UBE2D1: variants seen among roughly 807,000 people sequenced by gnomAD.
UBE2D1 encodes the protein ubiquitin-conjugating enzyme E2 D1.
Under a neutral mutation model 24.6 loss-of-function variants are expected in UBE2D1, and 9 were observed. The ratio of observed to expected loss-of-function variants is 0.37; its 90% CI spans 0.22 to 0.64. The LOEUF (loss-of-function observed/expected upper bound fraction) is 0.64. Ranked by LOEUF, UBE2D1 falls within the 30% of genes least tolerant of loss-of-function variation. UBE2D1 has a pLI of 0.64. For synonymous variants in UBE2D1, 57 were observed against 57.6 expected (o/e 0.99, Z 0.04); for missense variants, 87 against 177.1 (o/e 0.49, Z 2.89).
chr10:58,342,462 T>G (rs1400595059), intron 1 of UBE2D1, among the ~76,000 whole-genome samples: 1 of 152,112 alleles, frequency 6.6e-6, no homozygotes, highest in Non-Finnish European at 1.5e-5. Flanking sequence ...CCACCCTCCT[T>G]ATGCGAGCAG....
At chr10:58,341,557 C>T (rs1353545275) in intron 1 of UBE2D1, among the ~76,000 whole-genome samples, 1 of 152,034 alleles carries the variant, frequency 6.6e-6, no homozygotes, top group African/African-American at 2.4e-5. Context: ...GAGATTTCTT[C>T]TCTGTGGAAA....
At chr10:58,353,219 AG>A (rs1367574245) in intron 1 of UBE2D1, among the ~76,000 whole-genome samples, 3 of 152,150 alleles carry the variant, frequency 2.0e-5, no homozygotes, top group Non-Finnish European at 4.4e-5. Flanking sequence ...AATGCCTTGG[AG>A]GGGTATAGTT....
Position 58,369,809 on chromosome 10 carries a change from G to A in UBE2D1, c.*1044G>A, listed in dbSNP as rs1346557960. 1 of 151,920 alleles carries A rather than the reference G, an allele frequency of 6.6e-6. No homozygotes were observed. The highest frequency in any genetic ancestry group is 1.5e-5 in the Non-Finnish European group (1 of 67,810). The allele number at this position is 151,920 out of a possible 1,614,324, so 9.4% of individuals were successfully genotyped here. A position where few individuals can be genotyped will look rare whatever the true frequency, so the allele number is the denominator to read the frequency against. Reference sequence around the variant, plus strand: ...TATGTTGATCCCTTGCTGTAGAGGAGAATTTAGAGTAATTTGGGGTTTGTC... The same window carrying A: ...TATGTTGATCCCTTGCTGTAGAGGAAAATTTAGAGTAATTTGGGGTTTGTC... On this transcript the variant is annotated 3_prime_UTR_variant, in exon 7 of 7. Transcript: ENST00000373910.
At chr10:58,367,257 G>T (rs1840265788) in intron 5 of UBE2D1, among the ~76,000 whole-genome samples, 1 of 151,942 alleles carries the variant, frequency 6.6e-6, no homozygotes, top group South Asian at 2.1e-4. Flanking sequence ...GACAAATGAG[G>T]AACCAGAGTC....
rs1462712193 is a variant in UBE2D1 at position 58,361,523 on chromosome 10, G to A, written c.117G>A (p.Gly39=). The A allele has an allele frequency of 6.2e-7, 1 of 1,614,028 alleles. No homozygotes were observed. Among genetic ancestry groups the A allele is most frequent in the South Asian group, 1.1e-5 (1 of 91,082 alleles). Residue 39 remains glycine, a synonymous_variant, in exon 3 of 7, where the codon GGG becomes GGA. Coordinates refer to ENST00000373910, the MANE Select transcript of UBE2D1 (RefSeq NM_003338.5). The part of the protein sequence containing the change: ...DLFHWQATIM[G]PPDSAYQGGV... Reference sequence around the variant, plus strand: ...TCCACTGGCAAGCCACTATTATGGGGCCTGTAAGTATGATTCATATCTATG... The same window carrying A: ...TCCACTGGCAAGCCACTATTATGGGACCTGTAAGTATGATTCATATCTATG...
At chr10:58,368,425 A>G (rs1840279897) in intron 6 of UBE2D1, 1 of 278,698 alleles carries the variant, frequency 3.6e-6, no homozygotes, top group Non-Finnish European at 6.7e-6. Flanking sequence ...CAATTTGTAG[A>G]TAATGCTCCT....
chr10:58,353,281 T>C (rs1840097079), intron 1 of UBE2D1, among the ~76,000 whole-genome samples: 2 of 152,172 alleles, frequency 1.3e-5, no homozygotes, highest in African/African-American at 4.8e-5. Context: ...GATGTAGAAG[T>C]ACTTAATAAA....
chr10:58,367,769 A>G (rs974491399), intron 5 of UBE2D1, among the ~76,000 whole-genome samples, 154 bp from the exon 6 acceptor site: 8 of 152,146 alleles, frequency 5.3e-5, no homozygotes, highest in African/African-American at 1.7e-4. Flanking sequence ...TCAATTTGCT[A>G]TCAACCAAAG....
intron 4 of UBE2D1, among the ~76,000 whole-genome samples, chr10:58,364,099 C>T (rs1294058109): frequency 2.0e-5 from 3 of 151,126 alleles, no homozygotes; most frequent in African/African-American, 7.3e-5. Context: ...CTGGGGAATC[C>T]GAAAGTAAAT....
At chr10:58,342,475 T>C (rs189257215) in intron 1 of UBE2D1, among the ~76,000 whole-genome samples, 87 of 152,024 alleles carry the variant, frequency 5.7e-4, no homozygotes, top group Admixed American at 2.6e-3. Flanking sequence ...GCGAGCAGAG[T>C]TTGGGAGTAG....
chr10:58,357,827 A>G (rs1840149165), intron 1 of UBE2D1, among the ~76,000 whole-genome samples: 1 of 152,130 alleles, frequency 6.6e-6, no homozygotes. Context: ...ATTTGTGACA[A>G]ATAATGATCC....
intron 5 of UBE2D1, among the ~76,000 whole-genome samples, chr10:58,366,918 A>G (rs1228597068): frequency 1.3e-5 from 2 of 152,020 alleles, no homozygotes; most frequent in Admixed American, 1.3e-4. Flanking sequence ...TTTGCTTTTT[A>G]TCATGAGGTT....
intron 1 of UBE2D1, among the ~76,000 whole-genome samples, chr10:58,342,129 A>G (rs1564557657): frequency 6.6e-6 from 1 of 152,190 alleles, no homozygotes; most frequent in Non-Finnish European, 1.5e-5. Context: ...ACATTAGACA[A>G]TAACAGGCTG....
intron 1 of UBE2D1, among the ~76,000 whole-genome samples, chr10:58,345,351 T>C (rs1840005037): frequency 6.6e-6 from 1 of 152,020 alleles, no homozygotes; most frequent in Non-Finnish European, 1.5e-5. Flanking sequence ...GGCACGTGCC[T>C]GTAGTCTCAG....
chr10:58,368,170 A>G (rs1564563298), intron 6 of UBE2D1, 154 bp downstream of exon 6: 1 of 543,374 alleles, frequency 1.8e-6, no homozygotes, highest in Non-Finnish European at 3.2e-6. Flanking sequence ...TTCTTTGAGA[A>G]CTCTGTTAGA....
chr10:58,356,546 T>C (rs1840133352), intron 1 of UBE2D1, among the ~76,000 whole-genome samples: 1 of 152,134 alleles, frequency 6.6e-6, no homozygotes, highest in Non-Finnish European at 1.5e-5. Context: ...GCAGTAAATA[T>C]CCTTATATAT....
intron 5 of UBE2D1, among the ~76,000 whole-genome samples, chr10:58,365,533 A>G (rs893670205): frequency 2.0e-5 from 3 of 152,232 alleles, no homozygotes; most frequent in Non-Finnish European, 4.4e-5. Context: ...CAGTAGCATC[A>G]TTATAGTGAC....
At chr10:58,344,752 A>G (rs1471281627) in intron 1 of UBE2D1, among the ~76,000 whole-genome samples, 7 of 152,070 alleles carry the variant, frequency 4.6e-5, no homozygotes, top group Non-Finnish European at 7.4e-5. Context: ...TGGTTCTCTA[A>G]TTCCATTTAG....
chr10:58,368,085 A>G, intron 6 of UBE2D1, 69 bp downstream of exon 6: 2 of 1,094,306 alleles, frequency 1.8e-6, no homozygotes, highest in South Asian at 2.7e-5. Flanking sequence ...CACGAATATT[A>G]TCAATATGTT....
Sources: gnomAD v4.1 joint callset for allele counts (sites outside exome capture counted in the v4.1 genomes callset) on GRCh38, gnomAD v4.1.1 for gene constraint, MANE v1.5 for transcripts, NCBI Gene and HGNC (gene_info 2026-07-23, HGNC 2026-07-21) for gene names.